Variants in MAL observed in about 807,000 individuals in gnomAD.
MAL encodes the protein mal, T cell differentiation protein (MAL blood group), also known as myelin and lymphocyte protein.
Under a neutral mutation model 16.7 loss-of-function variants are expected in MAL, and 5 were observed. The observed-to-expected ratio is 0.30, with a 90% CI of 0.16 to 0.63. The LOEUF (loss-of-function observed/expected upper bound fraction) is 0.63, where lower values mean the gene tolerates loss of function less well. Among genes scored for constraint, MAL ranks in the 30% least tolerant of loss-of-function variants. The pLI, the probability that MAL is intolerant of heterozygous loss-of-function variation, is 0.82. For missense variants in MAL, 202 were observed against 195.8 expected (o/e 1.03, Z -0.19); for synonymous variants, 96 against 85.5 (o/e 1.12, Z -0.67).
chr2:95,051,835 C>T (rs1051384651), intron 3 of MAL: 2 of 152,242 alleles, frequency 1.3e-5, no homozygotes, highest in Non-Finnish European at 2.9e-5. Context: ...CACCTTTCAA[C>T]TCACGGTATC....
intron 1 of MAL, among the ~76,000 whole-genome samples, chr2:95,037,601 T>A (rs1473253455): frequency 6.6e-6 from 1 of 150,664 alleles, no homozygotes; most frequent in African/African-American, 2.5e-5. Flanking sequence ...AGTGAGTGGG[T>A]GAGTAACAGA....
chr2:95,050,807 G>A (rs1399751034), intron 3 of MAL, among the ~76,000 whole-genome samples: 1 of 152,156 alleles, frequency 6.6e-6, no homozygotes, highest in African/African-American at 2.4e-5. Flanking sequence ...AACATCTCCC[G>A]TGTTGGCCCA....
intron 1 of MAL, among the ~76,000 whole-genome samples, chr2:95,042,297 T>A (rs563045885): frequency 1.4e-4 from 21 of 152,306 alleles, no homozygotes; most frequent in Non-Finnish European, 2.5e-4. Context: ...GCATCGCCCA[T>A]GGCCTTATGT....
chr2:95,049,642 T>C lies in MAL; in HGVS notation c.323T>C (p.Leu108Pro). The C allele has an allele frequency of 6.2e-7, 1 of 1,613,982 alleles. No individual in the cohort carries two copies. Among genetic ancestry groups the C allele is most frequent in the Non-Finnish European group, 8.5e-7 (1 of 1,179,956 alleles). The change falls in exon 3 of 4, where the codon CTG (leucine) becomes CCG (proline). Residue 108 changes from leucine to proline, a missense_variant. Leu to Pro is a moderately conservative substitution (Grantham distance 98). Coordinates refer to ENST00000309988, the MANE Select transcript of MAL (RefSeq NM_002371.4). ...CTCAGCGCCTCAGTCCTGGAGGCCC[T>C]GGCCACCATCACGATGCAAGACGGC... is the stretch of plus-strand genomic sequence containing the variant. ...FYLSASVLEALATITMQDGFT... is the reference protein window; with the variant it reads ...FYLSASVLEAPATITMQDGFT...
chr2:95,043,244 G>A (rs914134912), intron 1 of MAL, among the ~76,000 whole-genome samples: 1 of 152,226 alleles, frequency 6.6e-6, no homozygotes, highest in Non-Finnish European at 1.5e-5. Context: ...CTGCCCACTC[G>A]GGGCTGGTTG....
At chr2:95,042,274 C>G (rs1224809451) in intron 1 of MAL, among the ~76,000 whole-genome samples, 1 of 152,214 alleles carries the variant, frequency 6.6e-6, no homozygotes, top group Non-Finnish European at 1.5e-5. Context: ...TTCTGTCTTA[C>G]AGGAGTTACA....
intron 1 of MAL, among the ~76,000 whole-genome samples, chr2:95,040,859 C>T (rs1423829086): frequency 1.3e-5 from 2 of 152,172 alleles, no homozygotes; most frequent in Non-Finnish European, 2.9e-5. Context: ...GTTTCCTTTA[C>T]ACCTCAAGAA....
At chr2:95,050,787 G>A (rs1160149976) in intron 3 of MAL, among the ~76,000 whole-genome samples, 4 of 152,126 alleles carry the variant, frequency 2.6e-5, no homozygotes, top group Admixed American at 1.3e-4. Context: ...CAGGGGTCCC[G>A]CGGTGTGGAA....
intron 3 of MAL, among the ~76,000 whole-genome samples, chr2:95,050,004 C>T (rs1421794581): frequency 6.6e-6 from 1 of 152,192 alleles, no homozygotes; most frequent in Non-Finnish European, 1.5e-5. Flanking sequence ...GCTCCCTGAA[C>T]AATCTTATTT....
chr2:95,043,559 A>G (rs542331828), intron 1 of MAL, among the ~76,000 whole-genome samples: 1 of 152,344 alleles, frequency 6.6e-6, no homozygotes, highest in East Asian at 1.9e-4. Context: ...GGGAGCTGGC[A>G]GGGCGCCTCT....
intron 1 of MAL, among the ~76,000 whole-genome samples, chr2:95,033,007 G>A (rs1252718974): frequency 6.6e-6 from 1 of 152,244 alleles, no homozygotes; most frequent in African/African-American, 2.4e-5. Context: ...AAGGTGCAGG[G>A]TCGCACAGCC....
chr2:95,052,228 G>T (rs898914058), intron 3 of MAL, among the ~76,000 whole-genome samples: 1 of 152,202 alleles, frequency 6.6e-6, no homozygotes, highest in Non-Finnish European at 1.5e-5. Flanking sequence ...GCCAAAATTT[G>T]CCCATTCGTG....
At chr2:95,040,581 T>C (rs1674437444) in intron 1 of MAL, among the ~76,000 whole-genome samples, 1 of 152,182 alleles carries the variant, frequency 6.6e-6, no homozygotes, top group Admixed American at 6.5e-5. Context: ...CCTCCTGGCA[T>C]TGAAATAACC....
At chr2:95,053,307 G>A (rs1674758941) in intron 3 of MAL, 74 bp from the exon 4 acceptor site, 1 of 1,023,566 alleles carries the variant, frequency 9.8e-7, no homozygotes. Flanking sequence ...GCCACGTGGG[G>A]CTGGATGCAG....
intron 2 of MAL, among the ~76,000 whole-genome samples, chr2:95,048,649 C>T (rs1481005422): frequency 7.2e-5 from 11 of 152,206 alleles, no homozygotes; most frequent in Non-Finnish European, 1.3e-4. Context: ...CTTTGAGACC[C>T]ATGAAAAGGT....
intron 3 of MAL, 45 bp from the exon 4 acceptor site, chr2:95,053,335 GC>G (rs1674760440): frequency 1.5e-6 from 2 of 1,316,080 alleles, no homozygotes; most frequent in Non-Finnish European, 2.2e-6. Flanking sequence ...GCTGTGCCTC[GC>G]CCTCCCTACA....
intron 1 of MAL, among the ~76,000 whole-genome samples, chr2:95,030,069 G>T (rs541887238): frequency 6.6e-6 from 1 of 152,150 alleles, no homozygotes; most frequent in Admixed American, 6.5e-5. Context: ...CGGGTGGAGC[G>T]CCACTTCCAT....
At position 95,047,123 on chromosome 2, in the gene MAL, G is replaced by T. The variant is rs57134756; in HGVS notation, c.94-836G>T. 3.0e-3 allele frequency among the ~76,000 whole-genome samples: 458 copies of T among 152,302 alleles called. 3 individuals are homozygous for T. Among genetic ancestry groups the T allele is most frequent in the African/African-American group, 0.011 (448 of 41,548 alleles). ...TGCCAAATAAAGACCAAAAAGATCT[G>T]CTGGTCACTACCATTGCATAAAGGA... On this transcript the variant is annotated intron_variant, in intron 1 of 3. Transcript: ENST00000309988.
At chr2:95,041,112 C>A (rs569506968) in intron 1 of MAL, among the ~76,000 whole-genome samples, 1 of 152,292 alleles carries the variant, frequency 6.6e-6, no homozygotes, top group African/African-American at 2.4e-5. Flanking sequence ...TGAGCAAGCC[C>A]TCTGCATTGC....
Sources: allele counts gnomAD v4.1 joint callset (sites outside exome capture counted in the v4.1 genomes callset), GRCh38; gene constraint gnomAD v4.1.1; transcripts MANE v1.5; gene names NCBI Gene and HGNC (gene_info 2026-07-23, HGNC 2026-07-21).